Variants in CC2D2B observed in about 807,000 individuals in gnomAD.
CC2D2B encodes protein CC2D2B.
In CC2D2B, 128 loss-of-function variants were observed where a neutral mutation model predicts 161.2. The observed-to-expected ratio is 0.79, with a 90% CI of 0.69 to 0.92. The LOEUF (loss-of-function observed/expected upper bound fraction) is 0.92. CC2D2B is among the 40% of genes least tolerant of loss of function. The pLI is 0.00. For synonymous variants in CC2D2B, 391 were observed against 449.8 expected, an observed-to-expected ratio of 0.87 and a Z score of 1.65; for missense variants, 1,173 against 1,375.1, an observed-to-expected ratio of 0.85 and a Z score of 2.32.
chr10:95,913,308 G>T, intron 2 of CC2D2B: 1 of 189,452 alleles, frequency 5.3e-6, no homozygotes, highest in South Asian at 8.3e-5. Context: ...TTTTTTTATG[G>T]CAGAATAGTA....
chr10:96,025,184 TAAAAAAAA>T (rs1279667652), intron 33 of CC2D2B, among the ~76,000 whole-genome samples: 269 of 20,570 alleles, frequency 0.013, 4 homozygotes, highest in East Asian at 0.03. Context: ...TATATATATA[TAAAAAAAA>T]ATATATATAT....
At chr10:95,938,266 A>G in intron 7 of CC2D2B, 77 bp downstream of exon 7, 1 of 940,242 alleles carries the variant, frequency 1.1e-6, no homozygotes. Flanking sequence ...TGTATGCTGG[A>G]TAAATAAAAA....
intron 17 of CC2D2B, among the ~76,000 whole-genome samples, chr10:95,974,759 G>T (rs2077255956): frequency 6.6e-6 from 1 of 152,126 alleles, no homozygotes; most frequent in African/African-American, 2.4e-5. Context: ...GAAATGAAAA[G>T]CTTCATATAA....
rs1343445839 is a variant in CC2D2B at position 96,027,840 on chromosome 10, T to A, written c.4125+451T>A. On this transcript the variant is annotated intron_variant, in intron 34 of 34. Transcript: ENST00000646931. ...GAACCCGGAAACAAATCCACACACCTAAGTGAACTCATTTTCAGCAAAGGC... is the reference window on the plus strand; with the variant it reads ...GAACCCGGAAACAAATCCACACACCAAAGTGAACTCATTTTCAGCAAAGGC... Among the ~76,000 whole-genome samples, 3 of 152,264 alleles carry A rather than the reference T, an allele frequency of 2.0e-5. No homozygotes were observed. The East Asian group carries it at 5.8e-4, about 29-fold the overall frequency.
At chr10:95,952,034 G>T (rs933009584) in intron 10 of CC2D2B, among the ~76,000 whole-genome samples, 2 of 152,110 alleles carry the variant, frequency 1.3e-5, no homozygotes, top group African/African-American at 4.8e-5. Flanking sequence ...AGAAGAAAAG[G>T]CCAGGTGGTG....
rs1326454021 is a variant in CC2D2B at position 95,992,710 on chromosome 10, G to A, written c.2642+13G>A. On this transcript the variant is annotated intron_variant, in intron 22 of 34. Transcript: ENST00000646931. Reference sequence around the variant, plus strand: ...CAACAATTAATGGGTAAGGCAATATGCCCCAATTTTTAGAGTTGCAAAAGG... The same window carrying A: ...CAACAATTAATGGGTAAGGCAATATACCCCAATTTTTAGAGTTGCAAAAGG... 2.4e-6 allele frequency: 3 copies of A among 1,232,208 alleles called. No individual in the cohort carries two copies. Among genetic ancestry groups the A allele is most frequent in the Non-Finnish European group, 2.0e-6 (2 of 986,322 alleles). 76.3% of individuals were successfully genotyped at this position (1,232,208 alleles called of 1,614,324 possible). A position where few individuals can be genotyped will look rare whatever the true frequency, so the allele number is the denominator to read the frequency against.
chr10:95,926,576 C>A (rs1157264254), intron 5 of CC2D2B, among the ~76,000 whole-genome samples: 2 of 151,248 alleles, frequency 1.3e-5, no homozygotes, highest in Non-Finnish European at 1.5e-5. Context: ...ATTTTAAATT[C>A]TTTCATTCCT....
At chr10:96,003,586 T>TTGTGTGTG (rs68085058) in intron 24 of CC2D2B, among the ~76,000 whole-genome samples, 6,381 of 127,636 alleles carry the variant, frequency 0.05, 252 homozygotes, top group African/African-American at 0.096. Context: ...GCCCGGCTAA[T>TTGTGTGTG]TGTGTGTGTG....
At chr10:95,959,926 G>A (rs2076704800) in intron 11 of CC2D2B, among the ~76,000 whole-genome samples, 2 of 152,048 alleles carry the variant, frequency 1.3e-5, no homozygotes, top group Non-Finnish European at 2.9e-5. Context: ...TTGTTAACCT[G>A]AAAAAAGTGT....
intron 6 of CC2D2B, among the ~76,000 whole-genome samples, chr10:95,937,542 T>C (rs538154604): frequency 1.3e-5 from 2 of 152,220 alleles, no homozygotes; most frequent in South Asian, 4.2e-4. Flanking sequence ...TCTTTTTTTT[T>C]TTCATGAATA....
At chr10:95,988,186 G>C (rs1236916502) in intron 19 of CC2D2B, 64 bp from the exon 20 acceptor site, 1 of 537,084 alleles carries the variant, frequency 1.9e-6, no homozygotes, top group East Asian at 3.5e-5. Flanking sequence ...GATATTTATT[G>C]CAATGTGTCA....
At chr10:95,958,136 A>T (rs2076638279) in intron 11 of CC2D2B, among the ~76,000 whole-genome samples, 1 of 152,076 alleles carries the variant, frequency 6.6e-6, no homozygotes, top group Admixed American at 6.6e-5. Flanking sequence ...TGTCATAAAG[A>T]TGCTCAAAGA....
intron 25 of CC2D2B, among the ~76,000 whole-genome samples, chr10:96,009,046 C>G (rs117543818): frequency 0.012 from 1,856 of 152,094 alleles, 23 homozygotes; most frequent in Non-Finnish European, 0.02. Context: ...AAATATCTCT[C>G]TTTATTCCTG....
chr10:95,997,515 G>A (rs2078276655), intron 24 of CC2D2B, among the ~76,000 whole-genome samples: 1 of 152,016 alleles, frequency 6.6e-6, no homozygotes, highest in Non-Finnish European at 1.5e-5. Flanking sequence ...AGCCTCCCAA[G>A]TAGCCGAGAC....
chr10:95,974,334 A>C (rs1215612895), intron 17 of CC2D2B, among the ~76,000 whole-genome samples, 178 bp downstream of exon 17: 1 of 152,220 alleles, frequency 6.6e-6, no homozygotes, highest in African/African-American at 2.4e-5. Flanking sequence ...TATATGTAAG[A>C]GAATGTGTCC....
intron 14 of CC2D2B, among the ~76,000 whole-genome samples, chr10:95,967,135 G>A (rs559213018): frequency 4.6e-5 from 7 of 152,104 alleles, no homozygotes; most frequent in Non-Finnish European, 1.0e-4. Context: ...CAACCAAAAG[G>A]GCAGCAGACA....
At chr10:95,979,172 GTT>G (rs797010779) in intron 17 of CC2D2B, among the ~76,000 whole-genome samples, 6 of 132,514 alleles carry the variant, frequency 4.5e-5, no homozygotes, top group African/African-American at 8.2e-5. Flanking sequence ...GGTTTTTGGT[GTT>G]TTTTTTTTTT....
chr10:96,027,565 C>A (rs2079836387), intron 34 of CC2D2B, among the ~76,000 whole-genome samples, 176 bp downstream of exon 34: 1 of 152,012 alleles, frequency 6.6e-6, no homozygotes, highest in Non-Finnish European at 1.5e-5. Context: ...TCCATACTAC[C>A]CAAAGCAATC....
intron 9 of CC2D2B, among the ~76,000 whole-genome samples, chr10:95,947,273 C>T (rs1046423932): frequency 3.3e-5 from 5 of 150,304 alleles, no homozygotes; most frequent in Non-Finnish European, 7.4e-5. Context: ...TCACCACTCC[C>T]GGCTAATTTT....
Sources: allele counts gnomAD v4.1 joint callset (sites outside exome capture counted in the v4.1 genomes callset), GRCh38; gene constraint gnomAD v4.1.1; transcripts MANE v1.5; gene names NCBI Gene and HGNC (gene_info 2026-07-23, HGNC 2026-07-21).